The following DENND4C variants were observed in gnomAD, a reference collection of about 807,000 sequenced individuals.
DENND4C encodes DENN domain-containing protein 4C.
DENND4C carries 108 observed loss-of-function variants against 203.0 expected under a neutral mutation model. That is an observed-to-expected ratio of 0.53 (90% CI 0.46 to 0.62). The LOEUF (loss-of-function observed/expected upper bound fraction) is 0.62, where lower values mean the gene tolerates loss of function less well. DENND4C is among the 20% of genes least tolerant of loss of function. The pLI, the probability that DENND4C is intolerant of heterozygous loss-of-function variation, is 0.00. For missense variants in DENND4C, 2,481 were observed against 2,301.2 expected (o/e 1.08, Z -1.60); for synonymous variants, 871 against 792.4 (o/e 1.10, Z -1.67).
chr9:19,233,139 G>T (rs1695136141), intron 1 of DENND4C, among the ~76,000 whole-genome samples: 1 of 152,082 alleles, frequency 6.6e-6, no homozygotes, highest in Admixed American at 6.6e-5. Context: ...GTCAGTGGCA[G>T]GTTGTTTCAT....
intron 1 of DENND4C, among the ~76,000 whole-genome samples, chr9:19,268,079 T>C (rs1018384445): frequency 2.7e-5 from 4 of 149,642 alleles, no homozygotes; most frequent in African/African-American, 9.8e-5. Flanking sequence ...TTATGTTTTG[T>C]GTATGTGTTG....
intron 9 of DENND4C, among the ~76,000 whole-genome samples, chr9:19,302,697 C>G (rs1251700215): frequency 6.6e-6 from 1 of 152,182 alleles, no homozygotes; most frequent in African/African-American, 2.4e-5. Context: ...AGTGGCTCTG[C>G]CCTTCAGCAA....
chr9:19,334,945 AAT>A (rs1215431992), intron 17 of DENND4C, 30 bp from the exon 18 acceptor site: 3 of 1,568,580 alleles, frequency 1.9e-6, no homozygotes, highest in African/African-American at 2.8e-5. Flanking sequence ...TTAGTATACT[AAT>A]TACTGACACT....
At chr9:19,289,300 A>G (rs1480748248) in intron 4 of DENND4C, among the ~76,000 whole-genome samples, 2 of 152,204 alleles carry the variant, frequency 1.3e-5, no homozygotes, top group Non-Finnish European at 2.9e-5. Flanking sequence ...GGTATGCTCC[A>G]GTTGTAAATA....
At position 19,305,514 on chromosome 9, in the gene DENND4C, A is replaced by T. The variant is rs1352929347; in HGVS notation, c.1474A>T (p.Asn492Tyr). 5 of 1,612,328 alleles carry T rather than the reference A, an allele frequency of 3.1e-6. No individual in the cohort carries two copies. The highest frequency in any genetic ancestry group is 4.2e-6 in the Non-Finnish European group (5 of 1,179,852). ...QDVVCIDLDT[N>Y]MLYVSDEKKN... ...TGTTGTTTGCATTGACTTGGATACG[A>T]ACATGTTATATGTGTAAGTTGATTC... Residue 492 changes from asparagine to tyrosine, a missense_variant, in exon 10 of 33, where the codon AAC (asparagine) becomes TAC (tyrosine). By Grantham distance (143) the Asn-to-Tyr change is moderately radical (BLOSUM62 -2). Coordinates refer to ENST00000434457, the MANE Select transcript of DENND4C (RefSeq NM_001330640.2).
At chr9:19,245,778 C>T (rs1162933015) in intron 1 of DENND4C, among the ~76,000 whole-genome samples, 1 of 151,752 alleles carries the variant, frequency 6.6e-6, no homozygotes, top group African/African-American at 2.4e-5. Context: ...ATCGCTTGAA[C>T]CCAGGAGGTG....
chr9:19,365,512 C>T (rs1341452548), intron 30 of DENND4C, among the ~76,000 whole-genome samples: 1 of 152,056 alleles, frequency 6.6e-6, no homozygotes, highest in Non-Finnish European at 1.5e-5. Flanking sequence ...TTTTATTTAC[C>T]ATTCTACCAG....
intron 6 of DENND4C, among the ~76,000 whole-genome samples, chr9:19,296,489 G>T (rs753089813): frequency 4.0e-5 from 6 of 150,926 alleles, no homozygotes; most frequent in Non-Finnish European, 8.8e-5. Flanking sequence ...TCAGCCTCCC[G>T]AGTAGCTGGG....
chr9:19,300,161 T>A, intron 8 of DENND4C, 26 bp from the exon 9 acceptor site: 1 of 1,575,680 alleles, frequency 6.3e-7, no homozygotes, highest in Non-Finnish European at 8.7e-7. Flanking sequence ...TTCACAATGA[T>A]CTACTTTTCT....
chr9:19,271,441 TC>T (rs1831646244), intron 1 of DENND4C, among the ~76,000 whole-genome samples: 1 of 152,134 alleles, frequency 6.6e-6, no homozygotes, highest in Non-Finnish European at 1.5e-5. Flanking sequence ...CCTCAAGTGA[TC>T]CGCCTACCTC....
At chr9:19,353,345 A>G (rs1055197068) in intron 26 of DENND4C, among the ~76,000 whole-genome samples, 2 of 152,024 alleles carry the variant, frequency 1.3e-5, no homozygotes, top group Non-Finnish European at 2.9e-5. Context: ...AAAAAAATAC[A>G]CTGCCAGGTG....
At chr9:19,318,418 A>G (rs1235550076) in intron 12 of DENND4C, among the ~76,000 whole-genome samples, 80 of 152,250 alleles carry the variant, frequency 5.3e-4, no homozygotes, top group Admixed American at 4.9e-3. Context: ...TAAATGAGAA[A>G]ATATATGTGA....
intron 13 of DENND4C, 102 bp from the exon 14 acceptor site, chr9:19,325,837 C>G (rs999923798): frequency 9.2e-7 from 1 of 1,089,230 alleles, no homozygotes; most frequent in African/African-American, 1.6e-5. Flanking sequence ...TCAGCTGGTA[C>G]TGAAAAGGGG....
intron 1 of DENND4C, among the ~76,000 whole-genome samples, chr9:19,250,662 G>A (rs1826339789): frequency 6.6e-6 from 1 of 152,014 alleles, no homozygotes. Context: ...TTCAATGGGG[G>A]CACAGGCATT....
chr9:19,274,539 C>A (rs533610405), intron 1 of DENND4C, among the ~76,000 whole-genome samples: 2 of 152,226 alleles, frequency 1.3e-5, no homozygotes, highest in African/African-American at 2.4e-5. Flanking sequence ...AGGTGTTGCA[C>A]CCTCCTCGGC....
At chr9:19,312,261 G>C (rs1488178408) in intron 10 of DENND4C, among the ~76,000 whole-genome samples, 2 of 152,000 alleles carry the variant, frequency 1.3e-5, no homozygotes, top group Non-Finnish European at 2.9e-5. Flanking sequence ...GTACACCGTG[G>C]CCACTTAATT....
intron 1 of DENND4C, among the ~76,000 whole-genome samples, chr9:19,250,428 C>A (rs918257400): frequency 6.6e-6 from 1 of 151,854 alleles, no homozygotes; most frequent in African/African-American, 2.4e-5. Flanking sequence ...GGTTTCGCCA[C>A]GTTGACCAGG....
intron 2 of DENND4C, chr9:19,276,736 A>G (rs1832965773): frequency 7.4e-6 from 2 of 270,042 alleles, no homozygotes; most frequent in Non-Finnish European, 1.4e-5. Flanking sequence ...ATTTGACCCT[A>G]AAGTGTCATT....
intron 1 of DENND4C, among the ~76,000 whole-genome samples, chr9:19,273,344 C>G (rs1303376041): frequency 6.6e-6 from 1 of 151,898 alleles, no homozygotes; most frequent in African/African-American, 2.4e-5. Context: ...CCTTGGCCTC[C>G]CAAAGTGCAG....
Sources: gnomAD v4.1 joint callset for allele counts (sites outside exome capture counted in the v4.1 genomes callset) on GRCh38, gnomAD v4.1.1 for gene constraint, MANE v1.5 for transcripts, NCBI Gene and HGNC (gene_info 2026-07-23, HGNC 2026-07-21) for gene names.